The following NSMCE1 variants were observed in gnomAD, a reference collection of about 807,000 sequenced individuals.
NSMCE1 encodes non-structural maintenance of chromosomes element 1 homolog.
Under a neutral mutation model 29.6 loss-of-function variants are expected in NSMCE1, and 18 were observed. The observed-to-expected ratio is 0.61, with a 90% CI of 0.42 to 0.90. NSMCE1 has a LOEUF of 0.90. Among genes scored for constraint, NSMCE1 ranks in the 40% least tolerant of loss-of-function variants. The pLI is 0.00. For synonymous variants in NSMCE1, 124 were observed against 133.4 expected, an observed-to-expected ratio of 0.93 and a Z score of 0.49; for missense variants, 314 against 343.6, an observed-to-expected ratio of 0.91 and a Z score of 0.68.
intron 2 of NSMCE1, among the ~76,000 whole-genome samples, chr16:27,243,688 T>G (rs912236150): frequency 6.6e-6 from 1 of 152,216 alleles, no homozygotes; most frequent in Admixed American, 6.5e-5. Context: ...TCTCGCTCTG[T>G]CATCTAGGCT....
chr16:27,251,169 T>TATATATAA (rs2084025864), intron 2 of NSMCE1, among the ~76,000 whole-genome samples: 2 of 52,608 alleles, frequency 3.8e-5, no homozygotes, highest in Non-Finnish European at 6.1e-5. Flanking sequence ...AATATATATA[T>TATATATAA]ATATATATAT....
intron 1 of NSMCE1, among the ~76,000 whole-genome samples, chr16:27,265,906 T>C (rs1239603887): frequency 2.6e-5 from 4 of 152,098 alleles, no homozygotes; most frequent in Non-Finnish European, 4.4e-5. Flanking sequence ...AGTAACACAA[T>C]ATTCAGGGCG....
intron 5 of NSMCE1, among the ~76,000 whole-genome samples, chr16:27,227,213 C>A (rs779311876): frequency 3.0e-4 from 46 of 152,264 alleles, no homozygotes; most frequent in Non-Finnish European, 5.9e-4. Context: ...CAAACACCCA[C>A]TGCTGCCATC....
chr16:27,226,654 T>C (rs1229510255), intron 6 of NSMCE1, 66 bp downstream of exon 6: 12 of 1,026,124 alleles, frequency 1.2e-5, no homozygotes, highest in Non-Finnish European at 1.8e-5. Flanking sequence ...TTCCGGGAAG[T>C]ACCTGTACAG....
chr16:27,242,484 C>A (rs551771738), intron 2 of NSMCE1, among the ~76,000 whole-genome samples: 47 of 152,302 alleles, frequency 3.1e-4, no homozygotes, highest in African/African-American at 1.1e-3. Context: ...GGCACAGTAC[C>A]TGCATCTCAG....
At position 27,229,088 on chromosome 16, in the gene NSMCE1, G is replaced by A. The variant is rs368184271; in HGVS notation, c.484-2252C>T. 2.7e-4 allele frequency among the ~76,000 whole-genome samples: 41 copies of A among 152,214 alleles called. 1 individual carries two copies. Among genetic ancestry groups the A allele is most frequent in the African/African-American group, 9.6e-4 (40 of 41,532 alleles). The stretch of plus-strand genomic sequence containing the variant: ...GGTCCAAGAGCCAAGCCCCTAATAC[G>A]CGTATCTCCCGGGCTGCCCTCCGTC... On this transcript the variant is annotated intron_variant, in intron 5 of 7. Coordinates refer to ENST00000361439, the MANE Select transcript of NSMCE1 (RefSeq NM_145080.4).
chr16:27,256,581 T>C (rs1382361768), intron 2 of NSMCE1, among the ~76,000 whole-genome samples: 1 of 152,240 alleles, frequency 6.6e-6, no homozygotes, highest in Non-Finnish European at 1.5e-5. Flanking sequence ...GCATAAAATC[T>C]AATCAGTAAG....
chr16:27,232,753 G>A lies in NSMCE1; in HGVS notation c.483+248C>T, dbSNP rs151079979. Among the ~76,000 whole-genome samples, 12 of 152,372 alleles carry A rather than the reference G, an allele frequency of 7.9e-5. No homozygotes were observed. The highest frequency in any genetic ancestry group is 1.3e-4 in the Admixed American group (2 of 15,308). ...TCCTGGGGCCCAAGTCCCTGGGCGC[G>A]GCTCCTGGCTCTGCCATTCTGGCTG... On this transcript the variant is annotated intron_variant, in intron 5 of 7. Coordinates refer to ENST00000361439, the MANE Select transcript of NSMCE1 (RefSeq NM_145080.4). The surrounding 1 kb of genome is among the most constrained non-coding windows in gnomAD (Gnocchi z 4.5).
Position 27,263,702 on chromosome 16 carries a change from A to T in NSMCE1, c.-12+5004T>A, listed in dbSNP as rs1020403896. 1.2e-4 allele frequency among the ~76,000 whole-genome samples: 18 copies of T among 152,222 alleles called. No homozygotes were observed. In the East Asian group the frequency reaches 3.1e-3, roughly 26 times the overall value. The stretch of plus-strand genomic sequence containing the variant: ...TGTGCTGCCAAACCTAAGTTTTTTT[A>T]AAAAAGCATATGATCATCTTAATGA... On this transcript the variant is annotated intron_variant, in intron 1 of 7. Coordinates refer to ENST00000361439, the MANE Select transcript of NSMCE1 (RefSeq NM_145080.4).
rs780455552 is a variant in NSMCE1, at chr16:27,257,524, C to A, written c.47G>T (p.Arg16Leu). ...GGTCATCAGCAACTGGAGGAAGCGC[C>A]GGTGGACATCAGTCATGACGCCCAT... ...RRMGVMTDVH[R>L]RFLQLLMTHG... The change falls in exon 2 of 8, where the codon CGG becomes CTG. Residue 16 changes from arginine (R) to leucine (L), a missense_variant. Arg to Leu is a moderately radical substitution (Grantham distance 102). Coordinates refer to ENST00000361439, the MANE Select transcript of NSMCE1 (RefSeq NM_145080.4). 5 of 1,613,748 alleles carry A rather than the reference C, an allele frequency of 3.1e-6. No homozygotes were observed. The highest frequency in any genetic ancestry group is 3.4e-6 in the Non-Finnish European group (4 of 1,179,904).
intron 5 of NSMCE1, among the ~76,000 whole-genome samples, chr16:27,230,148 C>A (rs1313226568): frequency 1.3e-5 from 2 of 152,208 alleles, no homozygotes; most frequent in Non-Finnish European, 2.9e-5. Context: ...CTCTCAGAGG[C>A]CTCCCCGCTG....
At position 27,257,554 on chromosome 16, in the gene NSMCE1, C is replaced by G; in HGVS notation, c.17G>C (p.Arg6Thr). The change falls in exon 2 of 8, where the codon AGG (arginine) becomes ACG (threonine). Residue 6 changes from arginine (R) to threonine (T), a missense_variant. Transcript: ENST00000361439. MQGST[R>T]RMGVMTDVHR... ...GACATCAGTCATGACGCCCATTCTC[C>G]TTGTGCTGCCCTGCATGTGGGAACG... 1 of 1,613,314 alleles carries G rather than the reference C, an allele frequency of 6.2e-7. No homozygotes were observed. Among genetic ancestry groups the G allele is most frequent in the Non-Finnish European group, 8.5e-7 (1 of 1,179,614 alleles).
At chr16:27,230,501 A>G (rs549606721) in intron 5 of NSMCE1, 2 of 152,378 alleles carry the variant, frequency 1.3e-5, no homozygotes, top group East Asian at 3.9e-4. Flanking sequence ...TAGGTCAGAG[A>G]GCACTGGACC....
chr16:27,231,012 G>A (rs142353916), intron 5 of NSMCE1, among the ~76,000 whole-genome samples: 85 of 152,342 alleles, frequency 5.6e-4, no homozygotes, highest in African/African-American at 2.0e-3. Flanking sequence ...CATGCACAAT[G>A]GTGGCAGCAT....
chr16:27,241,741 C>A, intron 2 of NSMCE1: 3 of 361,944 alleles, frequency 8.3e-6, no homozygotes, highest in South Asian at 4.1e-5. Context: ...TAGTGACGAA[C>A]CGTCCTCTCC....
At chr16:27,258,922 C>T (rs966599330) in intron 1 of NSMCE1, among the ~76,000 whole-genome samples, 5 of 151,696 alleles carry the variant, frequency 3.3e-5, no homozygotes, top group Admixed American at 6.6e-5. Context: ...GACTAATTTT[C>T]GTATTTTTAG....
chr16:27,265,322 C>A (rs374351164), intron 1 of NSMCE1, among the ~76,000 whole-genome samples: 17 of 151,918 alleles, frequency 1.1e-4, no homozygotes, highest in Middle Eastern at 3.4e-3. Context: ...GCACACACCA[C>A]TATGCCCGGC....
chr16:27,233,509 A>T (rs911546621), intron 4 of NSMCE1, among the ~76,000 whole-genome samples: 2 of 152,232 alleles, frequency 1.3e-5, no homozygotes, highest in African/African-American at 2.4e-5. Flanking sequence ...TCAGCTCAGC[A>T]CCTGCTCCTC....
chr16:27,240,255 A>C (rs915035792), intron 2 of NSMCE1, among the ~76,000 whole-genome samples: 1 of 152,188 alleles, frequency 6.6e-6, no homozygotes, highest in Admixed American at 6.5e-5. Context: ...AGTCACCAAG[A>C]GAGACTGGGC....
Sources: allele counts gnomAD v4.1 joint callset (sites outside exome capture counted in the v4.1 genomes callset), GRCh38; gene constraint gnomAD v4.1.1; non-coding constraint Gnocchi (gnomAD v3.1); transcripts MANE v1.5; gene names NCBI Gene and HGNC (gene_info 2026-07-23, HGNC 2026-07-21).